The following NTRK2 variants were observed in gnomAD, a reference collection of about 807,000 sequenced individuals.
NTRK2 encodes neurotrophic receptor tyrosine kinase 2, also known as BDNF/NT-3 growth factors receptor.
NTRK2 carries 13 observed loss-of-function variants against 94.5 expected under a neutral mutation model. The ratio of observed to expected loss-of-function variants is 0.14; its 90% CI spans 0.09 to 0.22. NTRK2 has a LOEUF of 0.22. Among genes scored for constraint, NTRK2 ranks in the 10% least tolerant of loss-of-function variants. The pLI is 1.00. For synonymous variants in NTRK2, 372 were observed against 407.4 expected, an observed-to-expected ratio of 0.91 and a Z score of 1.05; for missense variants, 639 against 1,071.2, an observed-to-expected ratio of 0.60 and a Z score of 5.63.
chr9:84,869,582 C>T (rs569709043), intron 14 of NTRK2, among the ~76,000 whole-genome samples: 7 of 152,010 alleles, frequency 4.6e-5, no homozygotes, highest in East Asian at 3.9e-4. Context: ...CCTTTATCTT[C>T]GGTGTATCTG....
chr9:84,700,954 T>TA (rs745520909), intron 2 of NTRK2, among the ~76,000 whole-genome samples: 13 of 152,314 alleles, frequency 8.5e-5, no homozygotes, highest in Non-Finnish European at 1.3e-4. Context: ...TTTGAGTACC[T>TA]ACCTTGTACT....
intron 13 of NTRK2, among the ~76,000 whole-genome samples, chr9:84,864,736 C>CTTTTTTT (rs71369154): frequency 1.2e-4 from 13 of 104,584 alleles, no homozygotes; most frequent in South Asian, 3.6e-4. Context: ...TCTTAATTTT[C>CTTTTTTT]TTTTTTTTTT....
chr9:84,797,576 ATT>A (rs1442611653), intron 12 of NTRK2, among the ~76,000 whole-genome samples: 4 of 98,494 alleles, frequency 4.1e-5, no homozygotes, highest in South Asian at 2.5e-4. Flanking sequence ...TATTATATAT[ATT>A]ATATATACTA....
intron 12 of NTRK2, among the ~76,000 whole-genome samples, chr9:84,824,291 C>A (rs2073044067): frequency 1.3e-5 from 2 of 152,208 alleles, no homozygotes; most frequent in Admixed American, 6.5e-5. Flanking sequence ...CCTCACGACC[C>A]ACCACCAGCA....
chr9:84,730,783 CAAAAA>C lies in NTRK2; in HGVS notation c.1159+2845_1159+2849del. The stretch of plus-strand genomic sequence containing the variant: ...AAACTAAAGAAAAATAAACAAATAG[CAAAAA>C]AAAAAAAAAAAAAAAAAAAATCCCT... On this transcript the variant is annotated intron_variant, in intron 9 of 18. Coordinates refer to ENST00000277120, the MANE Select transcript of NTRK2 (RefSeq NM_006180.6). Among the ~76,000 whole-genome samples the C allele has an allele frequency of 8.0e-3, 193 of 24,110 alleles. 2 individuals are homozygous for C. The highest frequency in any genetic ancestry group is 0.032 in the African/African-American group (180 of 5,608). 15.8% of individuals were successfully genotyped at this position (24,110 alleles called of 152,430 possible).
Position 85,021,608 on chromosome 9 carries a change from C to T in NTRK2, c.*171C>T. 1 of 695,114 alleles carries T rather than the reference C, an allele frequency of 1.4e-6. No individual in the cohort carries two copies. The highest frequency in any genetic ancestry group is 1.6e-5 in the South Asian group (1 of 64,020). The allele number at this position is 695,114 out of a possible 1,614,324, so 43.1% of individuals were successfully genotyped here. On this transcript the variant is annotated 3_prime_UTR_variant, in exon 19 of 19. Coordinates refer to ENST00000277120, the MANE Select transcript of NTRK2 (RefSeq NM_006180.6). ...GGGAAGCAGTGTGTACTTCTTCATC[C>T]ATAGACACAGTATTGACTTCTTTTT...
At chr9:84,757,136 A>T (rs975134765) in intron 12 of NTRK2, among the ~76,000 whole-genome samples, 2 of 152,218 alleles carry the variant, frequency 1.3e-5, no homozygotes. Context: ...ACTGTTTTCC[A>T]TATGCACCCT....
chr9:84,783,917 A>C (rs1399012748), intron 12 of NTRK2, among the ~76,000 whole-genome samples: 1 of 152,182 alleles, frequency 6.6e-6, no homozygotes, highest in Admixed American at 6.5e-5. Flanking sequence ...TGTATGCTAT[A>C]GAAAGAAGAC....
At chr9:84,876,584 A>C in intron 14 of NTRK2, 1 of 1,057,278 alleles carries the variant, frequency 9.5e-7, no homozygotes, top group Admixed American at 5.4e-5. Flanking sequence ...AACTGGTCTC[A>C]CATTTTCTCT....
At position 84,670,955 on chromosome 9, in the gene NTRK2, C is replaced by T. The variant is rs200474896; in HGVS notation, c.207C>T (p.Thr69=). 4 of 1,586,478 alleles carry T rather than the reference C, an allele frequency of 2.5e-6. No homozygotes were observed. Among genetic ancestry groups the T allele is most frequent in the South Asian group, 2.2e-5 (2 of 90,412 alleles). The change falls in exon 2 of 19, where the codon ACC becomes ACT. Residue 69 remains threonine (T), a synonymous_variant. Transcript: ENST00000277120. The part of the protein sequence containing the change: ...EPNSVDPENI[T]EIFIANQKRL... ...ACAGTGTAGATCCTGAGAACATCACCGAAATGTGAGTTCCTGGAGCTTTTC... is the reference window on the plus strand; with the variant it reads ...ACAGTGTAGATCCTGAGAACATCACTGAAATGTGAGTTCCTGGAGCTTTTC...
intron 12 of NTRK2, among the ~76,000 whole-genome samples, chr9:84,817,371 T>A (rs1156938531): frequency 2.0e-5 from 3 of 152,234 alleles, no homozygotes; most frequent in African/African-American, 7.2e-5. Flanking sequence ...CAGGAGTTAT[T>A]AGGATTCTGC....
At chr9:84,940,000 A>C (rs1398501496) in intron 15 of NTRK2, among the ~76,000 whole-genome samples, 1 of 152,168 alleles carries the variant, frequency 6.6e-6, no homozygotes, top group Non-Finnish European at 1.5e-5. Context: ...CAGCTATGCA[A>C]AAATCCAAGG....
chr9:84,818,966 A>T (rs2072608929), intron 12 of NTRK2, among the ~76,000 whole-genome samples: 1 of 152,218 alleles, frequency 6.6e-6, no homozygotes, highest in African/African-American at 2.4e-5. Flanking sequence ...CCCGTCTGGC[A>T]GCCAGTGATT....
intron 2 of NTRK2, among the ~76,000 whole-genome samples, chr9:84,687,872 C>T (rs2059812451): frequency 6.6e-6 from 1 of 152,002 alleles, no homozygotes; most frequent in South Asian, 2.1e-4. Flanking sequence ...CAAACAGAGC[C>T]CCCAGTCAGA....
chr9:84,846,374 T>C (rs2131839880), intron 12 of NTRK2, among the ~76,000 whole-genome samples: 1 of 152,358 alleles, frequency 6.6e-6, no homozygotes, highest in Non-Finnish European at 1.5e-5. Context: ...TATTTCTAAA[T>C]CATTTAAGAA....
intron 17 of NTRK2, among the ~76,000 whole-genome samples, chr9:84,971,610 A>T (rs1826191446): frequency 6.6e-6 from 1 of 152,244 alleles, no homozygotes; most frequent in Admixed American, 6.5e-5. Flanking sequence ...TGCAAAACCC[A>T]GCTGTAGAAG....
chr9:84,820,219 G>GAGTGC (rs2072707647), intron 12 of NTRK2, among the ~76,000 whole-genome samples: 1 of 149,002 alleles, frequency 6.7e-6, no homozygotes, highest in African/African-American at 2.5e-5. Flanking sequence ...GCTCAGGCTG[G>GAGTGC]AGTGCAGTGG....
rs1564297101 is a variant in NTRK2, at chr9:84,797,610, A to ACT, written c.1396+45525_1396+45526insCT. Among the ~76,000 whole-genome samples the ACT allele has an allele frequency of 1.1e-4, 7 of 64,488 alleles. 1 individual carries two copies. Among genetic ancestry groups the ACT allele is most frequent in the African/African-American group, 3.5e-4 (6 of 17,272 alleles). The allele number at this position is 64,488 out of a possible 152,430, so 42.3% of individuals were successfully genotyped here. ...ACTATATATACTATATATTATATAT[A>ACT]ATATATATACTATATATTATATATT... On this transcript the variant is annotated intron_variant, in intron 12 of 18. Coordinates refer to ENST00000277120, the MANE Select transcript of NTRK2 (RefSeq NM_006180.6).
At chr9:84,822,643 C>A (rs1244948927) in intron 12 of NTRK2, among the ~76,000 whole-genome samples, 1 of 152,156 alleles carries the variant, frequency 6.6e-6, no homozygotes, top group East Asian at 1.9e-4. Context: ...AGGTCAAGCA[C>A]CCTCGACTGC....
Sources: allele counts gnomAD v4.1 joint callset (sites outside exome capture counted in the v4.1 genomes callset), GRCh38; gene constraint gnomAD v4.1.1; transcripts MANE v1.5; gene names NCBI Gene and HGNC (gene_info 2026-07-23, HGNC 2026-07-21).